Variants in JMJD1C observed in about 807,000 individuals in gnomAD.
The protein encoded by JMJD1C is jumonji domain containing 1C.
A neutral mutation model predicts 245.3 loss-of-function variants in JMJD1C; 31 were observed. The observed-to-expected ratio is 0.13, with a 90% CI of 0.09 to 0.17. The LOEUF is 0.17. Among genes scored for constraint, JMJD1C ranks in the 10% least tolerant of loss-of-function variants. JMJD1C has a pLI of 1.00. For missense variants in JMJD1C, 2,691 were observed against 3,000.2 expected (o/e 0.90, Z 2.41); for synonymous variants, 1,057 against 1,017.4 (o/e 1.04, Z -0.74).
rs139175277 is a variant in JMJD1C at position 63,229,062 on chromosome 10, T to C, written c.448-9079A>G. Among the ~76,000 whole-genome samples, 245 of 152,290 alleles carry C rather than the reference T, an allele frequency of 1.6e-3. 1 individual carries two copies. The Middle Eastern group carries it at 0.017, about 11-fold the overall frequency. ...ATGCATTAAAAAGTAAGAGATATTA[T>C]AAAGATAGTCTACCTGATTTATTAA... On this transcript the variant is annotated intron_variant, in intron 3 of 25. Coordinates refer to ENST00000399262, the MANE Select transcript of JMJD1C (RefSeq NM_032776.3).
At chr10:63,453,146 G>A (rs1371138006) in intron 1 of JMJD1C, among the ~76,000 whole-genome samples, 1 of 152,106 alleles carries the variant, frequency 6.6e-6, no homozygotes, top group Middle Eastern at 3.4e-3. Flanking sequence ...GTGGTGGCAG[G>A]TGCCTGTAAC....
intron 3 of JMJD1C, among the ~76,000 whole-genome samples, chr10:63,229,355 G>C (rs564512357): frequency 6.6e-6 from 1 of 151,632 alleles, no homozygotes; most frequent in Non-Finnish European, 1.5e-5. Context: ...ATAAAGATTC[G>C]GATGGGGCTA....
chr10:63,220,846 C>T (rs897412690), intron 3 of JMJD1C, among the ~76,000 whole-genome samples: 11 of 151,528 alleles, frequency 7.3e-5, no homozygotes, highest in South Asian at 6.3e-4. Flanking sequence ...CGGTGGCTCA[C>T]GCCTGTAATC....
chr10:63,285,195 G>A (rs574478046), intron 2 of JMJD1C, among the ~76,000 whole-genome samples: 9 of 152,160 alleles, frequency 5.9e-5, no homozygotes, highest in African/African-American at 2.2e-4. Context: ...CATGTAGCAC[G>A]CACGACAGAA....
intron 1 of JMJD1C, among the ~76,000 whole-genome samples, chr10:63,459,932 A>G (rs1033152212): frequency 6.6e-6 from 1 of 152,212 alleles, no homozygotes; most frequent in Non-Finnish European, 1.5e-5. Flanking sequence ...TACCGTGTCA[A>G]TACTATTAAC....
At chr10:63,325,223 T>A (rs1021813464) in intron 2 of JMJD1C, among the ~76,000 whole-genome samples, 1 of 152,188 alleles carries the variant, frequency 6.6e-6, no homozygotes, top group Non-Finnish European at 1.5e-5. Context: ...AATACAAACT[T>A]TTCCTTAGGA....
chr10:63,345,324 T>C (rs752853760), intron 2 of JMJD1C, among the ~76,000 whole-genome samples: 14 of 151,886 alleles, frequency 9.2e-5, no homozygotes, highest in Non-Finnish European at 4.4e-5. Context: ...CTGTCTCTAC[T>C]AAAGATACAA....
Position 63,373,563 on chromosome 10 carries a change from C to G in JMJD1C, c.333+6755G>C, listed in dbSNP as rs138527327. On this transcript the variant is annotated intron_variant, in intron 2 of 25. Coordinates refer to ENST00000399262, the MANE Select transcript of JMJD1C (RefSeq NM_032776.3). Reference sequence around the variant, plus strand: ...TATGTAATATTAAACAAGTACCACACGAGGAGTGAAACAACTAGAAAGAAG... The same window carrying G: ...TATGTAATATTAAACAAGTACCACAGGAGGAGTGAAACAACTAGAAAGAAG... Among the ~76,000 whole-genome samples, 106 of 151,978 alleles carry G rather than the reference C, an allele frequency of 7.0e-4. 1 individual carries two copies. Among genetic ancestry groups the G allele is most frequent in the African/African-American group, 2.3e-3 (97 of 41,424 alleles).
chr10:63,243,066 T>G (rs1851685250), intron 3 of JMJD1C, among the ~76,000 whole-genome samples: 1 of 142,494 alleles, frequency 7.0e-6, no homozygotes, highest in South Asian at 2.3e-4. Context: ...ATGTAAACTT[T>G]GACTTCTCTC....
chr10:63,487,647 T>C (rs1954040738), intron 1 of JMJD1C, among the ~76,000 whole-genome samples: 1 of 152,164 alleles, frequency 6.6e-6, no homozygotes, highest in South Asian at 2.1e-4. Flanking sequence ...GTTAAGGTGA[T>C]AGACCACGAA....
chr10:63,301,429 A>C (rs1365496298), intron 2 of JMJD1C, among the ~76,000 whole-genome samples: 1 of 152,222 alleles, frequency 6.6e-6, no homozygotes, highest in Non-Finnish European at 1.5e-5. Context: ...ACAGGCAACA[A>C]GTTTTAATGC....
At chr10:63,335,048 A>AAAAC (rs1255231713) in intron 2 of JMJD1C, among the ~76,000 whole-genome samples, 1 of 140,718 alleles carries the variant, frequency 7.1e-6, no homozygotes, top group Non-Finnish European at 1.5e-5. Context: ...AAAAAAAAAT[A>AAAAC]TTGTTCCTAA....
intron 1 of JMJD1C, among the ~76,000 whole-genome samples, chr10:63,477,761 C>T (rs551340443): frequency 7.7e-4 from 117 of 151,968 alleles, no homozygotes; most frequent in Admixed American, 2.2e-3. Flanking sequence ...AAAAATTAAA[C>T]ATAGTTAAAA....
At chr10:63,507,974 C>T (rs1488429999) in intron 1 of JMJD1C, among the ~76,000 whole-genome samples, 1 of 151,998 alleles carries the variant, frequency 6.6e-6, no homozygotes, top group Non-Finnish European at 1.5e-5. Flanking sequence ...AAGTAGTCGT[C>T]GTTTATCAAA....
intron 1 of JMJD1C, among the ~76,000 whole-genome samples, chr10:63,460,156 T>C (rs1302532534): frequency 1.3e-5 from 2 of 152,058 alleles, no homozygotes; most frequent in South Asian, 2.1e-4. Flanking sequence ...GGATAAAAGA[T>C]AGAATGGATA....
At chr10:63,416,814 T>G (rs1463904240) in intron 1 of JMJD1C, among the ~76,000 whole-genome samples, 1 of 152,212 alleles carries the variant, frequency 6.6e-6, no homozygotes, top group Non-Finnish European at 1.5e-5. Flanking sequence ...GTTTACTGTA[T>G]TCATCAAATA....
At chr10:63,365,855 C>T (rs950787131) in intron 2 of JMJD1C, among the ~76,000 whole-genome samples, 2 of 152,206 alleles carry the variant, frequency 1.3e-5, no homozygotes, top group African/African-American at 4.8e-5. Context: ...AGAGGTCTGG[C>T]TTCTGCCCTC....
chr10:63,255,741 A>G (rs1375197406), intron 3 of JMJD1C, among the ~76,000 whole-genome samples: 1 of 152,212 alleles, frequency 6.6e-6, no homozygotes, highest in Non-Finnish European at 1.5e-5. Context: ...ACAAAATAAG[A>G]GAATACAATC....
intron 1 of JMJD1C, among the ~76,000 whole-genome samples, chr10:63,449,207 T>A (rs1951887950): frequency 6.6e-6 from 1 of 152,214 alleles, no homozygotes; most frequent in Non-Finnish European, 1.5e-5. Flanking sequence ...AAAATGTTTT[T>A]AAATCTGTAT....
Sources: gnomAD v4.1 joint callset for allele counts (sites outside exome capture counted in the v4.1 genomes callset) on GRCh38, gnomAD v4.1.1 for gene constraint, MANE v1.5 for transcripts, NCBI Gene and HGNC (gene_info 2026-07-23, HGNC 2026-07-21) for gene names.